SESN1: variants seen among roughly 807,000 people sequenced by gnomAD.
SESN1 encodes the protein sestrin 1, also known as sestrin-1.
SESN1 carries 30 observed loss-of-function variants against 59.3 expected under a neutral mutation model. That is an observed-to-expected ratio of 0.51 (90% CI 0.38 to 0.69). The LOEUF is 0.69. Ranked by LOEUF, SESN1 falls within the 30% of genes least tolerant of loss-of-function variation. The probability of loss-of-function intolerance (pLI) is 0.00; values close to 1 mark genes in which losing one functional copy is unlikely to be tolerated. For missense variants in SESN1, 566 were observed against 673.0 expected (o/e 0.84, Z 1.76); for synonymous variants, 197 against 219.9 (o/e 0.90, Z 0.92).
At position 109,027,476 on chromosome 6, in the gene SESN1, C is replaced by CAAAAA. The variant is rs57225616; in HGVS notation, c.280-25138_280-25134dup. ...TGGGCGACAGAGGGAGACTCTGTCT[C>CAAAAA]AAAAAAAAAAAAAAAAAAAAAAAAA... is the stretch of plus-strand genomic sequence containing the variant. On this transcript the variant is annotated intron_variant, in intron 1 of 9. Transcript: ENST00000436639. Among the ~76,000 whole-genome samples the CAAAAA allele has an allele frequency of 6.5e-3, 178 of 27,308 alleles. 18 individuals are homozygous for CAAAAA. Among genetic ancestry groups the CAAAAA allele is most frequent in the Middle Eastern group, 0.024 (1 of 42 alleles). The allele number at this position is 27,308 out of a possible 152,430, so 17.9% of individuals were successfully genotyped here. A position where few individuals can be genotyped will look rare whatever the true frequency, so the allele number is the denominator to read the frequency against.
intron 1 of SESN1, among the ~76,000 whole-genome samples, chr6:109,070,282 AC>A (rs1358134265): frequency 5.9e-5 from 9 of 152,188 alleles, no homozygotes; most frequent in Admixed American, 2.6e-4. Context: ...GCATGTGCCC[AC>A]CCAGATTATG....
At chr6:109,076,309 T>C (rs1781032058) in intron 1 of SESN1, among the ~76,000 whole-genome samples, 1 of 152,198 alleles carries the variant, frequency 6.6e-6, no homozygotes, top group Non-Finnish European at 1.5e-5. Context: ...GTAAGTTTAA[T>C]TTGCTTGATA....
At chr6:109,038,322 G>A (rs1008882895) in intron 1 of SESN1, among the ~76,000 whole-genome samples, 9 of 152,118 alleles carry the variant, frequency 5.9e-5, no homozygotes, top group Non-Finnish European at 8.8e-5. Context: ...GTGAAACCTC[G>A]TCTCTACTAA....
intron 1 of SESN1, among the ~76,000 whole-genome samples, chr6:109,079,001 C>T (rs1055833844): frequency 6.6e-6 from 1 of 151,718 alleles, no homozygotes. Flanking sequence ...ATATCTACTT[C>T]CAAATTCAAA....
intron 8 of SESN1, among the ~76,000 whole-genome samples, chr6:108,989,761 C>T (rs1189198180): frequency 6.6e-6 from 1 of 152,136 alleles, no homozygotes; most frequent in African/African-American, 2.4e-5. Context: ...GAGAGCCTAT[C>T]CTGCTTTAAG....
intron 1 of SESN1, among the ~76,000 whole-genome samples, chr6:109,036,621 T>TA (rs958889854): frequency 1.3e-4 from 20 of 152,248 alleles, no homozygotes; most frequent in African/African-American, 4.8e-4. Context: ...TATGATATGA[T>TA]AAAAAAAATT....
chr6:109,039,051 A>G (rs369699618), intron 1 of SESN1, among the ~76,000 whole-genome samples: 4 of 132,846 alleles, frequency 3.0e-5, no homozygotes, highest in South Asian at 2.5e-4. Flanking sequence ...AAGGAGGGAG[A>G]AGGAGAACAA....
At chr6:109,072,652 CAG>C (rs1156346746) in intron 1 of SESN1, among the ~76,000 whole-genome samples, 1 of 152,110 alleles carries the variant, frequency 6.6e-6, no homozygotes, top group Non-Finnish European at 1.5e-5. Context: ...GCAAGTAAAA[CAG>C]TAACTTTTGA....
At chr6:109,046,732 G>A (rs1387583792) in intron 1 of SESN1, among the ~76,000 whole-genome samples, 11 of 136,718 alleles carry the variant, frequency 8.0e-5, no homozygotes, top group African/African-American at 3.0e-4. Context: ...CCTCTGCCCC[G>A]CCGCCCCATC....
intron 1 of SESN1, among the ~76,000 whole-genome samples, chr6:109,070,539 G>T (rs1357331411): frequency 2.6e-5 from 4 of 152,138 alleles, no homozygotes; most frequent in South Asian, 2.1e-4. Context: ...ACAGGCCACC[G>T]CCAGGGCCCA....
rs370098350 is a variant in SESN1 at position 109,077,394 on chromosome 6, G to T, written c.279+16401C>A. Among the ~76,000 whole-genome samples, 3 of 152,158 alleles carry T rather than the reference G, an allele frequency of 2.0e-5. No homozygotes were observed. The East Asian group carries it at 5.8e-4, about 29-fold the overall frequency. ...TCACTATTTAAGTTCATCTTTCTGGGTCTGTTTCCTCATCTATAAAAACTA... is the reference window on the plus strand; with the variant it reads ...TCACTATTTAAGTTCATCTTTCTGGTTCTGTTTCCTCATCTATAAAAACTA... On this transcript the variant is annotated intron_variant, in intron 1 of 9. Transcript: ENST00000436639.
intron 1 of SESN1, among the ~76,000 whole-genome samples, chr6:109,069,338 G>A (rs1780891002): frequency 1.3e-5 from 2 of 151,856 alleles, no homozygotes; most frequent in African/African-American, 4.8e-5. Flanking sequence ...AAAACACCAA[G>A]TTCCATGCTA....
chr6:109,088,731 A>T (rs1781260797), intron 1 of SESN1, among the ~76,000 whole-genome samples: 1 of 152,222 alleles, frequency 6.6e-6, no homozygotes, highest in Non-Finnish European at 1.5e-5. Flanking sequence ...TACATGTATC[A>T]TCAAGACTAT....
chr6:109,047,167 T>TG (rs1780462226), intron 1 of SESN1, among the ~76,000 whole-genome samples: 1 of 30,702 alleles, frequency 3.3e-5, no homozygotes. Flanking sequence ...GGGAGGGAGG[T>TG]GGGGGGGTCA....
At chr6:109,034,705 A>G (rs1437851224) in intron 1 of SESN1, among the ~76,000 whole-genome samples, 1 of 152,232 alleles carries the variant, frequency 6.6e-6, no homozygotes, top group Non-Finnish European at 1.5e-5. Context: ...GAATGTCACT[A>G]AAGTGAGAAA....
chr6:109,044,979 C>T (rs948710691), intron 1 of SESN1, among the ~76,000 whole-genome samples: 4 of 151,652 alleles, frequency 2.6e-5, no homozygotes, highest in Non-Finnish European at 4.4e-5. Context: ...GCTGAGATTG[C>T]GCCACTGCAC....
chr6:109,052,595 A>T (rs1780558680), intron 1 of SESN1, among the ~76,000 whole-genome samples: 1 of 152,226 alleles, frequency 6.6e-6, no homozygotes, highest in Non-Finnish European at 1.5e-5. Context: ...AGTATTCATT[A>T]TGTACTTTTT....
intron 8 of SESN1, 33 bp downstream of exon 8, chr6:108,990,612 A>C (rs1439884404): frequency 2.5e-6 from 4 of 1,605,252 alleles, no homozygotes; most frequent in Non-Finnish European, 3.4e-6. Flanking sequence ...CCAGAGGAAA[A>C]CATCTCTTTA....
intron 1 of SESN1, among the ~76,000 whole-genome samples, chr6:109,080,280 T>C (rs931071957): frequency 2.0e-5 from 3 of 152,330 alleles, no homozygotes; most frequent in Non-Finnish European, 4.4e-5. Flanking sequence ...AGGAGAATGC[T>C]CTTTTAACTT....
Sources: gnomAD v4.1 joint callset for allele counts (sites outside exome capture counted in the v4.1 genomes callset) on GRCh38, gnomAD v4.1.1 for gene constraint, MANE v1.5 for transcripts, NCBI Gene and HGNC (gene_info 2026-07-23, HGNC 2026-07-21) for gene names.